The following ANK3 variants were observed in gnomAD, a reference collection of about 807,000 sequenced individuals.
ANK3 encodes ankyrin 3, also known as ankyrin-3.
In ANK3, 57 loss-of-function variants were observed where a neutral mutation model predicts 370.9. The ratio of observed to expected loss-of-function variants is 0.15; its 90% CI spans 0.12 to 0.19. The LOEUF is 0.19. ANK3 is among the 10% of genes least tolerant of loss of function. The pLI is 1.00. For missense variants in ANK3, 4,439 were observed against 5,302.1 expected, an observed-to-expected ratio of 0.84 and a Z score of 5.06; for synonymous variants, 1,929 against 1,946.3, an observed-to-expected ratio of 0.99 and a Z score of 0.23.
intron 26 of ANK3, among the ~76,000 whole-genome samples, chr10:60,111,461 T>C (rs572030439): frequency 6.6e-6 from 1 of 152,328 alleles, no homozygotes; most frequent in South Asian, 2.1e-4. Flanking sequence ...TACAAACTCA[T>C]GTCTTACATA....
In ANK3 at chr10:60,075,538, A is replaced by G. The variant is rs538876196; in HGVS notation, c.5343T>C (p.Tyr1781=). The G allele has an allele frequency of 4.3e-6, 7 of 1,614,002 alleles. No individual in the cohort carries two copies. Among genetic ancestry groups the G allele is most frequent in the Admixed American group, 1.7e-5 (1 of 60,012 alleles). The stretch of plus-strand genomic sequence containing the variant: ...GAAAAGCTGATGGTGCTGCAGAAAC[A>G]TATGACCTGAGTGGGGAAAATGGCA... ...TAMPFSPLRS[Y]VSAAPSAFQS... is the part of the protein sequence containing the mutation. Residue 1781 remains tyrosine (Y), a synonymous_variant, in exon 37 of 44, where the codon TAT becomes TAC. Coordinates refer to ENST00000280772, the MANE Select transcript of ANK3 (RefSeq NM_020987.5).
intron 2 of ANK3, among the ~76,000 whole-genome samples, chr10:60,557,802 G>A (rs767844286): frequency 1.3e-5 from 2 of 152,158 alleles, no homozygotes; most frequent in African/African-American, 2.4e-5. Flanking sequence ...CAACTACTTT[G>A]ACATTAAACG....
chr10:60,142,609 G>A (rs1190066672), intron 23 of ANK3, among the ~76,000 whole-genome samples: 3 of 151,686 alleles, frequency 2.0e-5, no homozygotes, highest in Non-Finnish European at 4.4e-5. Flanking sequence ...AAATTTCAAT[G>A]AAAGTAAGTT....
intron 2 of ANK3, among the ~76,000 whole-genome samples, chr10:60,466,195 G>A (rs1340893445): frequency 2.0e-5 from 3 of 152,146 alleles, no homozygotes; most frequent in African/African-American, 7.2e-5. Context: ...TTGATAAAGA[G>A]GGCATAATTG....
At chr10:60,454,543 G>A (rs1440500458) in intron 2 of ANK3, among the ~76,000 whole-genome samples, 2 of 152,080 alleles carry the variant, frequency 1.3e-5, no homozygotes, top group Non-Finnish European at 2.9e-5. Context: ...AGAAGGCCAG[G>A]ACAGTCAGTT....
chr10:60,153,403 A>T (rs1480856190), intron 23 of ANK3, among the ~76,000 whole-genome samples: 1 of 152,058 alleles, frequency 6.6e-6, no homozygotes, highest in Non-Finnish European at 1.5e-5. Flanking sequence ...GAGAAGAGAG[A>T]TTTGAGATGT....
intron 2 of ANK3, chr10:60,572,594 C>G (rs1280495146): frequency 6.6e-7 from 1 of 1,522,576 alleles, no homozygotes; most frequent in Non-Finnish European, 8.8e-7. Flanking sequence ...TCCAAAACCA[C>G]GGCAAAGAGT....
At chr10:60,348,886 G>A (rs191924766) in intron 1 of ANK3, among the ~76,000 whole-genome samples, 1 of 152,152 alleles carries the variant, frequency 6.6e-6, no homozygotes. Flanking sequence ...AATGAAAGGG[G>A]TATATCCATT....
intron 1 of ANK3, among the ~76,000 whole-genome samples, chr10:60,387,433 A>T (rs2062541288): frequency 1.4e-5 from 2 of 141,678 alleles, no homozygotes; most frequent in Admixed American, 7.4e-5. Flanking sequence ...TTCAGTCTTA[A>T]CTTTGTACAT....
chr10:60,234,142 A>G (rs1465730895), intron 8 of ANK3, among the ~76,000 whole-genome samples: 1 of 152,252 alleles, frequency 6.6e-6, no homozygotes, highest in East Asian at 1.9e-4. Context: ...TCATCTGTCC[A>G]TGAACATTTG....
intron 2 of ANK3, among the ~76,000 whole-genome samples, chr10:60,502,137 G>T (rs562861175): frequency 6.6e-6 from 1 of 152,152 alleles, no homozygotes; most frequent in Non-Finnish European, 1.5e-5. Flanking sequence ...TTTAGCTCAG[G>T]TGACAAAGCT....
chr10:60,611,417 C>T (rs1416328110), intron 2 of ANK3, among the ~76,000 whole-genome samples: 1 of 152,134 alleles, frequency 6.6e-6, no homozygotes, highest in African/African-American at 2.4e-5. Context: ...CACATACAGA[C>T]CTGCAGGGCA....
At chr10:60,413,663 C>G (rs758029940) in intron 2 of ANK3, among the ~76,000 whole-genome samples, 7 of 152,146 alleles carry the variant, frequency 4.6e-5, no homozygotes, top group African/African-American at 7.2e-5. Flanking sequence ...TCGAAATGTT[C>G]TATTCAGAAT....
chr10:60,398,309 C>G (rs956200508), intron 2 of ANK3, among the ~76,000 whole-genome samples: 23 of 152,144 alleles, frequency 1.5e-4, no homozygotes, highest in South Asian at 2.1e-4. Context: ...GGCCTGCAGG[C>G]CTGTTTGCTG....
intron 24 of ANK3, 134 bp downstream of exon 24, chr10:60,138,830 A>C: frequency 8.4e-7 from 1 of 1,192,702 alleles, no homozygotes; most frequent in Non-Finnish European, 1.2e-6. Context: ...ATTTGCGTCG[A>C]GAACATTTCG....
At chr10:60,509,260 A>T (rs1365698559) in intron 2 of ANK3, among the ~76,000 whole-genome samples, 1 of 152,158 alleles carries the variant, frequency 6.6e-6, no homozygotes, top group African/African-American at 2.4e-5. Flanking sequence ...CAAAAAAAAA[A>T]GTCAACATAA....
intron 1 of ANK3, among the ~76,000 whole-genome samples, chr10:60,335,932 G>A (rs1594027108): frequency 6.6e-6 from 1 of 152,142 alleles, no homozygotes; most frequent in African/African-American, 2.4e-5. Context: ...GCCAGGCTTA[G>A]ATACAGAAGC....
At chr10:60,469,291 A>G (rs368000871) in intron 2 of ANK3, among the ~76,000 whole-genome samples, 3 of 162 alleles carry the variant, frequency 0.019, 1 homozygote, top group Non-Finnish European at 0.026. Context: ...GTGTGTGTAT[A>G]TATATATATA....
intron 1 of ANK3, among the ~76,000 whole-genome samples, 158 bp from the exon 2 acceptor site, chr10:60,279,797 C>T (rs565159758): frequency 1.3e-5 from 2 of 152,214 alleles, no homozygotes; most frequent in African/African-American, 4.8e-5. Context: ...AAGAAAAGGA[C>T]ACATTTTTTA....
Sources: gnomAD v4.1 joint callset for allele counts (sites outside exome capture counted in the v4.1 genomes callset) on GRCh38, gnomAD v4.1.1 for gene constraint, MANE v1.5 for transcripts, NCBI Gene and HGNC (gene_info 2026-07-23, HGNC 2026-07-21) for gene names.